Variants in TRPM3 observed in about 807,000 individuals in gnomAD.
TRPM3 encodes transient receptor potential cation channel subfamily M member 3.
TRPM3 carries 77 observed loss-of-function variants against 181.2 expected under a neutral mutation model. The observed-to-expected ratio is 0.42, with a 90% CI of 0.35 to 0.51. The LOEUF is 0.51. Among genes scored for constraint, TRPM3 ranks in the 20% least tolerant of loss-of-function variants. TRPM3 has a pLI of 0.01. For synonymous variants in TRPM3, 745 were observed against 796.4 expected, an observed-to-expected ratio of 0.94 and a Z score of 1.09; for missense variants, 1,759 against 2,196.7, an observed-to-expected ratio of 0.80 and a Z score of 3.98.
chr9:71,133,291 G>GTTT (rs1587556717), intron 1 of TRPM3, among the ~76,000 whole-genome samples: 2 of 16,928 alleles, frequency 1.2e-4, no homozygotes, highest in African/African-American at 2.6e-4. Context: ...CTAGCAAATT[G>GTTT]CTTTTTTTTT....
At chr9:71,086,210 G>T (rs115355697) in intron 1 of TRPM3, among the ~76,000 whole-genome samples, 1 of 151,906 alleles carries the variant, frequency 6.6e-6, no homozygotes, top group African/African-American at 2.4e-5. Context: ...GTGGGAGGGA[G>T]GGAGGAGGGC....
chr9:71,312,358 T>C (rs1023127809), intron 1 of TRPM3, among the ~76,000 whole-genome samples: 10 of 152,132 alleles, frequency 6.6e-5, no homozygotes, highest in African/African-American at 9.7e-5. Context: ...GAGATATTAC[T>C]GCATATCTAT....
At chr9:71,319,492 T>G (rs1370982022) in intron 1 of TRPM3, among the ~76,000 whole-genome samples, 1 of 152,020 alleles carries the variant, frequency 6.6e-6, no homozygotes, top group Non-Finnish European at 1.5e-5. Flanking sequence ...CCTCTACCGT[T>G]CTGTTTTATT....
chr9:70,935,919 A>G (rs1282650781), intron 1 of TRPM3, among the ~76,000 whole-genome samples: 1 of 152,196 alleles, frequency 6.6e-6, no homozygotes, highest in Non-Finnish European at 1.5e-5. Context: ...GAAAAGGAGT[A>G]GTGGTGGTTT....
intron 1 of TRPM3, among the ~76,000 whole-genome samples, chr9:71,318,005 T>A (rs1393713960): frequency 2.6e-5 from 4 of 152,064 alleles, no homozygotes; most frequent in Non-Finnish European, 4.4e-5. Flanking sequence ...ATCCCAGCAT[T>A]TTGAAAGGCC....
chr9:71,255,279 T>C (rs1213177439), intron 1 of TRPM3, among the ~76,000 whole-genome samples: 1 of 152,228 alleles, frequency 6.6e-6, no homozygotes, highest in African/African-American at 2.4e-5. Flanking sequence ...TAAAAAATGC[T>C]AAATGGTTAG....
rs944712965 is a variant in TRPM3, at chr9:70,809,706, T to C, written c.973+18141A>G. Among the ~76,000 whole-genome samples the C allele has an allele frequency of 5.9e-5, 9 of 152,246 alleles. No homozygotes were observed. The East Asian group carries it at 1.7e-3, about 29-fold the overall frequency. On this transcript the variant is annotated intron_variant, in intron 6 of 25. Coordinates refer to ENST00000677713, the MANE Select transcript of TRPM3 (RefSeq NM_001366145.2). ...TTCTGAGGATATAGTAACCCCATCG[T>C]TAAGCAATGCATGACAGTATATGTA...
At chr9:71,036,336 C>T (rs373625140) in intron 1 of TRPM3, among the ~76,000 whole-genome samples, 145 of 152,274 alleles carry the variant, frequency 9.5e-4, no homozygotes, top group African/African-American at 3.3e-3. Context: ...GCATGAACCT[C>T]CAGGTCACCT....
intron 1 of TRPM3, among the ~76,000 whole-genome samples, chr9:70,924,092 G>A (rs567213616): frequency 7.9e-5 from 12 of 151,976 alleles, no homozygotes; most frequent in African/African-American, 2.9e-4. Flanking sequence ...ATTTGGCAAT[G>A]TCTGCAGACA....
intron 1 of TRPM3, among the ~76,000 whole-genome samples, chr9:71,106,944 C>A (rs146941047): frequency 6.6e-6 from 1 of 152,236 alleles, no homozygotes; most frequent in African/African-American, 2.4e-5. Context: ...AGTGGCTGAG[C>A]AATTCCCACA....
chr9:71,293,595 C>T (rs10081739), intron 1 of TRPM3, among the ~76,000 whole-genome samples: 37,396 of 146,996 alleles, frequency 0.25, 5,105 homozygotes, highest in Middle Eastern at 0.44. Context: ...GAGAGATATA[C>T]TACATTTGTG....
At chr9:71,053,257 C>T (rs752848217) in intron 1 of TRPM3, among the ~76,000 whole-genome samples, 7 of 151,992 alleles carry the variant, frequency 4.6e-5, no homozygotes, top group African/African-American at 7.2e-5. Flanking sequence ...TAGACGATGA[C>T]GCCATGCTAG....
chr9:71,162,158 C>T (rs183398692), intron 1 of TRPM3, among the ~76,000 whole-genome samples: 448 of 142,980 alleles, frequency 3.1e-3, no homozygotes, highest in African/African-American at 0.011. Context: ...TAAGATCGTG[C>T]CACTGCACTC....
chr9:70,905,206 G>A (rs2096445202), intron 1 of TRPM3, among the ~76,000 whole-genome samples: 1 of 152,194 alleles, frequency 6.6e-6, no homozygotes, highest in African/African-American at 2.4e-5. Context: ...CCTGCATGAT[G>A]TTGCTTTAAA....
chr9:71,240,093 T>A (rs1353450930), intron 1 of TRPM3, among the ~76,000 whole-genome samples: 1 of 152,204 alleles, frequency 6.6e-6, no homozygotes, highest in Non-Finnish European at 1.5e-5. Flanking sequence ...CATCTAAATA[T>A]AGCTGAGAGG....
intron 1 of TRPM3, among the ~76,000 whole-genome samples, chr9:71,379,357 A>G (rs556161885): frequency 4.6e-5 from 7 of 152,188 alleles, no homozygotes; most frequent in Non-Finnish European, 1.0e-4. Flanking sequence ...GAAAGCATAC[A>G]TTAGTTTTCA....
chr9:71,405,157 T>C (rs1025286236), intron 1 of TRPM3, among the ~76,000 whole-genome samples: 15 of 152,346 alleles, frequency 9.8e-5, no homozygotes, highest in Admixed American at 9.8e-4. Context: ...ATTTGCCAAC[T>C]GGTAAGTAAA....
intron 1 of TRPM3, among the ~76,000 whole-genome samples, chr9:70,919,079 T>A (rs2096629757): frequency 6.6e-6 from 1 of 152,078 alleles, no homozygotes; most frequent in Non-Finnish European, 1.5e-5. Flanking sequence ...CCTCTCCCTG[T>A]CTCCCCTCTT....
At chr9:70,793,330 C>T (rs2086009348) in intron 6 of TRPM3, among the ~76,000 whole-genome samples, 1 of 151,678 alleles carries the variant, frequency 6.6e-6, no homozygotes, top group Admixed American at 6.6e-5. Context: ...GATGCATGTG[C>T]CTGTAGTCCC....
Sources: allele counts gnomAD v4.1 joint callset (sites outside exome capture counted in the v4.1 genomes callset), GRCh38; gene constraint gnomAD v4.1.1; transcripts MANE v1.5; gene names NCBI Gene and HGNC (gene_info 2026-07-23, HGNC 2026-07-21).